The following MCF2L variants were observed in gnomAD, a reference collection of about 807,000 sequenced individuals.
MCF2L encodes guanine nucleotide exchange factor DBS.
In MCF2L, 97 loss-of-function variants were observed where a neutral mutation model predicts 153.4. The ratio of observed to expected loss-of-function variants is 0.63; its 90% CI spans 0.54 to 0.75. MCF2L has a LOEUF of 0.75. MCF2L is among the 30% of genes least tolerant of loss of function. The pLI, the probability that MCF2L is intolerant of heterozygous loss-of-function variation, is 0.00. For synonymous variants in MCF2L, 659 were observed against 632.2 expected, an observed-to-expected ratio of 1.04 and a Z score of -0.64; for missense variants, 1,347 against 1,495.2, an observed-to-expected ratio of 0.90 and a Z score of 1.64.
At chr13:113,057,784 C>T (rs1403353532) in intron 4 of MCF2L, among the ~76,000 whole-genome samples, 1 of 139,354 alleles carries the variant, frequency 7.2e-6, no homozygotes, top group East Asian at 2.2e-4. Context: ...TGTTTAGTAG[C>T]TGCGTGTTTG....
At chr13:112,984,435 G>T (rs906875954) in intron 1 of MCF2L, among the ~76,000 whole-genome samples, 1 of 151,998 alleles carries the variant, frequency 6.6e-6, no homozygotes, top group Non-Finnish European at 1.5e-5. Flanking sequence ...ATGGAGTTTC[G>T]CCATGTTGGC....
At position 113,028,961 on chromosome 13, in the gene MCF2L, ATG is replaced by A. The variant is rs1252528082; in HGVS notation, c.278+4208_278+4209del. ...GTGGTATGTGTGGACTATGTGAGGC[ATG>A]TGTGGGGTGAGTGTGGGGTGTGGTG... On this transcript the variant is annotated intron_variant, in intron 3 of 29. Coordinates refer to ENST00000535094, the MANE Select transcript of MCF2L (RefSeq NM_001112732.3). The surrounding 1 kb of genome is among the most constrained non-coding windows in gnomAD (Gnocchi z 5.4). 6.8e-6 allele frequency among the ~76,000 whole-genome samples: 1 copy of A among 146,306 alleles called. No homozygotes were observed. The highest frequency in any genetic ancestry group is 1.5e-5 in the Non-Finnish European group (1 of 66,546).
intron 2 of MCF2L, among the ~76,000 whole-genome samples, chr13:112,937,352 A>C (rs1594353563): frequency 6.6e-6 from 1 of 152,240 alleles, no homozygotes; most frequent in Non-Finnish European, 1.5e-5. Flanking sequence ...TTTAAACTCC[A>C]GGTTTGAAAT....
At chr13:112,961,741 C>A (rs1230585033) in intron 2 of MCF2L, among the ~76,000 whole-genome samples, 1 of 152,228 alleles carries the variant, frequency 6.6e-6, no homozygotes, top group Non-Finnish European at 1.5e-5. Flanking sequence ...CCCCTCTGTC[C>A]TCCTAGTTCA....
chr13:112,962,169 AC>A (rs1175176315), intron 2 of MCF2L, among the ~76,000 whole-genome samples: 1 of 151,216 alleles, frequency 6.6e-6, no homozygotes, highest in Non-Finnish European at 1.5e-5. Context: ...CTGTGCATGC[AC>A]AGATGCACAC....
chr13:113,077,107 G>T lies in MCF2L; in HGVS notation c.1556G>T (p.Arg519Leu), dbSNP rs544102223. ...KQASMEEVFH[R>L]RQASLKKLAA... ...GCAAGCATGGAGGAGGTGTTCCACCGCAGGCAGGCCAGCCTGAAGAAGCTG... is the reference window on the plus strand; with the variant it reads ...GCAAGCATGGAGGAGGTGTTCCACCTCAGGCAGGCCAGCCTGAAGAAGCTG... The change falls in exon 13 of 30, where the codon CGC (arginine) becomes CTC (leucine). Residue 519 changes from arginine (R) to leucine (L), a missense_variant. Coordinates refer to ENST00000535094, the MANE Select transcript of MCF2L (RefSeq NM_001112732.3). 6.2e-7 allele frequency: 1 copy of T among 1,612,784 alleles called. No homozygotes were observed. The highest frequency in any genetic ancestry group is 1.3e-5 in the African/African-American group (1 of 75,054).
chr13:113,032,947 G>A (rs66729151), intron 3 of MCF2L, among the ~76,000 whole-genome samples: 56,099 of 149,548 alleles, frequency 0.38, 11,397 homozygotes, highest in Non-Finnish European at 0.45. Context: ...CCCCCGTGAC[G>A]TGAGTGGACC....
chr13:113,094,846 C>T (rs1294140625), intron 27 of MCF2L: 6 of 1,073,002 alleles, frequency 5.6e-6, no homozygotes, highest in South Asian at 1.4e-5. Context: ...TCTTGGGGCA[C>T]AGCCCCAGCT....
At chr13:113,076,902 C>A in intron 12 of MCF2L, 150 bp from the exon 13 acceptor site, 1 of 902,662 alleles carries the variant, frequency 1.1e-6, no homozygotes, top group Non-Finnish European at 1.7e-6. Context: ...GTGGCCAGGG[C>A]TGGACACAGC....
At chr13:112,940,925 C>G (rs1405184241) in intron 2 of MCF2L, among the ~76,000 whole-genome samples, 4 of 152,158 alleles carry the variant, frequency 2.6e-5, no homozygotes, top group African/African-American at 9.7e-5. Context: ...TTTCTTTGCT[C>G]TGGGGTCATG....
intron 26 of MCF2L, chr13:113,090,806 A>T: frequency 1.0e-6 from 1 of 985,450 alleles, no homozygotes; most frequent in Non-Finnish European, 1.2e-6. Context: ...GACTTGAAAC[A>T]AACAAACAAA....
chr13:112,940,342 A>G (rs2081562763), intron 2 of MCF2L, among the ~76,000 whole-genome samples: 1 of 152,240 alleles, frequency 6.6e-6, no homozygotes, highest in Admixed American at 6.5e-5. Flanking sequence ...TCATGAATGC[A>G]TCTCCAGTGC....
At chr13:112,970,420 T>G (rs950660824) in intron 1 of MCF2L, among the ~76,000 whole-genome samples, 15 of 152,180 alleles carry the variant, frequency 9.9e-5, no homozygotes, top group African/African-American at 1.4e-4. Context: ...ATGTTTTTAA[T>G]GGGGGCTTTT....
rs2081471957 is a variant in MCF2L at position 112,932,252 on chromosome 13, C to T, written c.169+29881C>T. ...AGGCGTGACCGGGATGGCACTTTAC[C>T]TCTGTAGTCCTCCTCCCCAAGCACA... On this transcript the variant is annotated intron_variant, in intron 2 of 29. Transcript: ENST00000375608. The surrounding 1 kb of genome is among the most constrained non-coding windows in gnomAD (Gnocchi z 4.6). Among the ~76,000 whole-genome samples, 1 of 152,162 alleles carries T rather than the reference C, an allele frequency of 6.6e-6. No individual in the cohort carries two copies. The highest frequency in any genetic ancestry group is 2.4e-5 in the African/African-American group (1 of 41,448).
rs983403570 is a variant in MCF2L, at chr13:113,045,102, C to T, written c.279-169C>T. The T allele has an allele frequency of 9.2e-5, 84 of 914,634 alleles. No homozygotes were observed. The highest frequency in any genetic ancestry group is 2.2e-4 in the Middle Eastern group (1 of 4,650). The allele number at this position is 914,634 out of a possible 1,614,324, so 56.7% of individuals were successfully genotyped here. On this transcript the variant is annotated intron_variant, in intron 3 of 29. Coordinates refer to ENST00000535094, the MANE Select transcript of MCF2L (RefSeq NM_001112732.3). The surrounding 1 kb of genome is among the most constrained non-coding windows in gnomAD (Gnocchi z 4.2). ...TAGATGAGAGCAGGTTCTGGGACTGCGGGGATGGGGCTGCCGGGGCCCCCG... is the reference window on the plus strand; with the variant it reads ...TAGATGAGAGCAGGTTCTGGGACTGTGGGGATGGGGCTGCCGGGGCCCCCG...
chr13:112,934,275 C>T (rs1440741469), intron 2 of MCF2L, among the ~76,000 whole-genome samples: 1 of 152,252 alleles, frequency 6.6e-6, no homozygotes, highest in Non-Finnish European at 1.5e-5. Context: ...CCCACTGTAG[C>T]AACAGGAAGC....
rs147550493 is a variant in MCF2L at position 112,904,398 on chromosome 13, C to T, written c.169+2027C>T. Among the ~76,000 whole-genome samples, 447 of 152,300 alleles carry T rather than the reference C, an allele frequency of 2.9e-3. 1 individual carries two copies. Among genetic ancestry groups the T allele is most frequent in the Non-Finnish European group, 4.5e-3 (305 of 68,020 alleles). ...TTCCTGCCCCTGCTGACCCCACAAG[C>T]TTGGGTGGGTTGAGAAGCCTCTGCA... On this transcript the variant is annotated intron_variant, in intron 2 of 29. Transcript: ENST00000375608. This position sits in a 1 kb window ranked among gnomAD's most constrained non-coding sequence, Gnocchi z 4.2.
intron 1 of MCF2L, among the ~76,000 whole-genome samples, chr13:112,997,522 G>A (rs550040560): frequency 6.6e-6 from 1 of 152,318 alleles, no homozygotes; most frequent in Admixed American, 6.5e-5. Context: ...GGTGAGCCGC[G>A]CCCTCTGCAT....
chr13:112,939,010 C>A (rs34666911), intron 2 of MCF2L, among the ~76,000 whole-genome samples: 24,719 of 151,990 alleles, frequency 0.16, 2,136 homozygotes, highest in African/African-American at 0.21. Context: ...CCCTCTTGCA[C>A]GAGGACAGGA....
Sources: gnomAD v4.1 joint callset for allele counts (sites outside exome capture counted in the v4.1 genomes callset) on GRCh38, gnomAD v4.1.1 for gene constraint, Gnocchi (gnomAD v3.1) non-coding constraint, MANE v1.5 for transcripts, NCBI Gene and HGNC (gene_info 2026-07-23, HGNC 2026-07-21) for gene names.